The following CUX2 variants were observed in gnomAD, a reference collection of about 807,000 sequenced individuals.
CUX2 encodes the protein homeobox protein cut-like 2.
CUX2 carries 40 observed loss-of-function variants against 144.8 expected under a neutral mutation model. That is an observed-to-expected ratio of 0.28 (90% CI 0.21 to 0.36). The LOEUF is 0.36. CUX2 is among the 10% of genes least tolerant of loss of function. CUX2 has a pLI of 1.00. For synonymous variants in CUX2, 827 were observed against 875.6 expected (o/e 0.94, Z 0.98); for missense variants, 1,615 against 1,994.0 (o/e 0.81, Z 3.62).
rs192948157 is a variant in CUX2, at chr12:111,277,378, G to T, written c.301+13539G>T. Among the ~76,000 whole-genome samples, 947 of 152,146 alleles carry T rather than the reference G, an allele frequency of 6.2e-3. 5 individuals are homozygous for T. Among genetic ancestry groups the T allele is most frequent in the Non-Finnish European group, 9.5e-3 (645 of 67,998 alleles). Reference sequence around the variant, plus strand: ...TAACCCCAGGGGAGGTTAGTAGGACGGTCAGCTGCCATTTCCTTATCTGAT... The same window carrying T: ...TAACCCCAGGGGAGGTTAGTAGGACTGTCAGCTGCCATTTCCTTATCTGAT... On this transcript the variant is annotated intron_variant, in intron 4 of 21. Coordinates refer to ENST00000261726, the MANE Select transcript of CUX2 (RefSeq NM_015267.4). This position sits in a 1 kb window ranked among gnomAD's most constrained non-coding sequence, Gnocchi z 5.0.
chr12:111,224,246 A>T (rs1484855503), intron 3 of CUX2, among the ~76,000 whole-genome samples: 1 of 152,090 alleles, frequency 6.6e-6, no homozygotes, highest in African/African-American at 2.4e-5. Flanking sequence ...CACCAAGACA[A>T]TCGTCGGTGG....
intron 1 of CUX2, among the ~76,000 whole-genome samples, chr12:111,066,043 CA>C (rs1325248541): frequency 4.6e-5 from 7 of 152,242 alleles, no homozygotes; most frequent in African/African-American, 1.4e-4. Context: ...CAGATCAAGG[CA>C]TGTCTTCTTC....
At chr12:111,049,502 A>G (rs1421391594) in intron 1 of CUX2, among the ~76,000 whole-genome samples, 1 of 152,240 alleles carries the variant, frequency 6.6e-6, no homozygotes, top group Admixed American at 6.5e-5. Context: ...CATAATTAGC[A>G]CAGTAATCAG....
chr12:111,068,749 G>A lies in CUX2; in HGVS notation c.63+34509G>A, dbSNP rs561807407. ...TTTGCACCCTGAGAGGAGAGGAGAC[G>A]GGGTGCCGGTAATGCCCCCATGGCC... On this transcript the variant is annotated intron_variant, in intron 1 of 21. Coordinates refer to ENST00000261726, the MANE Select transcript of CUX2 (RefSeq NM_015267.4). This position sits in a 1 kb window ranked among gnomAD's most constrained non-coding sequence, Gnocchi z 4.9. Among the ~76,000 whole-genome samples, 4 of 152,152 alleles carry A rather than the reference G, an allele frequency of 2.6e-5. No homozygotes were observed. Among genetic ancestry groups the A allele is most frequent in the South Asian group, 4.1e-4 (2 of 4,828 alleles).
rs145444916 is a variant in CUX2, at chr12:111,057,832, C to A, written c.63+23592C>A. Among the ~76,000 whole-genome samples, 23 of 152,294 alleles carry A rather than the reference C, an allele frequency of 1.5e-4. No homozygotes were observed. In the East Asian group the frequency reaches 4.2e-3, roughly 28 times the overall value. Reference sequence around the variant, plus strand: ...ACTACCCAAGTGAATGCTTCAGTTCCTGGTGCTTTTGAAATGAATTTGATG... The same window carrying A: ...ACTACCCAAGTGAATGCTTCAGTTCATGGTGCTTTTGAAATGAATTTGATG... On this transcript the variant is annotated intron_variant, in intron 1 of 21. Transcript: ENST00000261726. The surrounding 1 kb of genome is among the most constrained non-coding windows in gnomAD (Gnocchi z 5.1).
intron 1 of CUX2, among the ~76,000 whole-genome samples, chr12:111,052,177 C>T (rs1340123847): frequency 6.6e-6 from 1 of 152,168 alleles, no homozygotes; most frequent in Non-Finnish European, 1.5e-5. Context: ...CCCATCAACT[C>T]CTCCCAGATC....
intron 4 of CUX2, among the ~76,000 whole-genome samples, chr12:111,272,038 G>A (rs192766663): frequency 3.9e-4 from 59 of 152,242 alleles, no homozygotes; most frequent in Non-Finnish European, 7.3e-4. Context: ...CTGAATATCC[G>A]GTCCTGTTTT....
In CUX2 at chr12:111,347,828, G is replaced by C. The variant is rs747066254; in HGVS notation, c.3964G>C (p.Asp1322His). ...GSQPQDSGELDKGQGPPKEEH... is the reference protein window; with the variant it reads ...GSQPQDSGELHKGQGPPKEEH... ...CCAGCCCCAGGACTCAGGGGAGCTG[G>C]ACAAAGGCCAAGGTCCCCCCAAAGA... is the stretch of plus-strand genomic sequence containing the variant. Residue 1322 changes from aspartate (D) to histidine (H), a missense_variant, in exon 22 of 22, where the codon GAC becomes CAC. Around this residue, in one of 12 missense-constraint regions of CUX2, gnomAD observed 298 missense variants for 330.4 expected, o/e 0.90. Transcript: ENST00000261726. The C allele has an allele frequency of 4.3e-6, 7 of 1,614,018 alleles. No individual in the cohort carries two copies. The highest frequency in any genetic ancestry group is 1.7e-6 in the Non-Finnish European group (2 of 1,179,984).
intron 1 of CUX2, among the ~76,000 whole-genome samples, chr12:111,040,805 A>G (rs1869706912): frequency 6.6e-6 from 1 of 152,208 alleles, no homozygotes. Flanking sequence ...CTCTGCCATT[A>G]GCATGAAACA....
In CUX2 at chr12:111,185,694, T is replaced by A. The variant is rs1879483057; in HGVS notation, c.64-28506T>A. Reference sequence around the variant, plus strand: ...ACACTCAGTGCAGCCCCTGAGCCCATTAGCCTGGGTAGGCTCAGTAATGGA... The same window carrying A: ...ACACTCAGTGCAGCCCCTGAGCCCAATAGCCTGGGTAGGCTCAGTAATGGA... On this transcript the variant is annotated intron_variant, in intron 1 of 21. Transcript: ENST00000261726. Among the ~76,000 whole-genome samples the A allele has an allele frequency of 2.0e-5, 3 of 152,158 alleles. No individual in the cohort carries two copies. In the South Asian group the frequency reaches 6.2e-4, roughly 32 times the overall value.
At chr12:111,076,034 C>T (rs977220346) in intron 1 of CUX2, among the ~76,000 whole-genome samples, 4 of 152,202 alleles carry the variant, frequency 2.6e-5, no homozygotes, top group Non-Finnish European at 5.9e-5. Flanking sequence ...GGTGAATTCA[C>T]ATTCTTGAAG....
chr12:111,346,204 G>A (rs1319442252), intron 21 of CUX2, among the ~76,000 whole-genome samples: 4 of 149,518 alleles, frequency 2.7e-5, no homozygotes, highest in East Asian at 3.9e-4. Flanking sequence ...GGCTGGGTGC[G>A]GTGGCTCACA....
intron 16 of CUX2, among the ~76,000 whole-genome samples, chr12:111,314,658 AAAAAAAAAAAC>A (rs558215745): frequency 0.05 from 6,341 of 128,028 alleles, 646 homozygotes; most frequent in African/African-American, 0.17. Flanking sequence ...AAAAAAAAAA[AAAAAAAAAAAC>A]CCCATCTCCT....
intron 1 of CUX2, among the ~76,000 whole-genome samples, chr12:111,138,183 G>A (rs901540307): frequency 6.6e-6 from 1 of 152,224 alleles, no homozygotes; most frequent in Non-Finnish European, 1.5e-5. Context: ...CTCGCTCCAC[G>A]CACAGATGTA....
rs956407393 is a variant in CUX2 at position 111,277,646 on chromosome 12, A to C, written c.302-13772A>C. ...GAGTGTCAGCCCCAGGAGGGCAGGA[A>C]TTTTCTATCATTTCCTGCTGGACCT... On this transcript the variant is annotated intron_variant, in intron 4 of 21. Transcript: ENST00000261726. This position sits in a 1 kb window ranked among gnomAD's most constrained non-coding sequence, Gnocchi z 5.0. Among the ~76,000 whole-genome samples the C allele has an allele frequency of 6.6e-6, 1 of 152,010 alleles. No homozygotes were observed. The highest frequency in any genetic ancestry group is 6.6e-5 in the Admixed American group (1 of 15,258).
At position 111,136,287 on chromosome 12, in the gene CUX2, G is replaced by A. The variant is rs554836494; in HGVS notation, c.64-77913G>A. 1.7e-3 allele frequency among the ~76,000 whole-genome samples: 252 copies of A among 152,278 alleles called. 1 individual carries two copies. Among genetic ancestry groups the A allele is most frequent in the Middle Eastern group, 3.4e-3 (1 of 294 alleles). ...AGCCAACAAGACTTGCACGTGGGAA[G>A]TGAGAGAGAGAGCGGAGTCCACAAT... On this transcript the variant is annotated intron_variant, in intron 1 of 21. Coordinates refer to ENST00000261726, the MANE Select transcript of CUX2 (RefSeq NM_015267.4).
chr12:111,207,673 T>C (rs1880994161), intron 1 of CUX2, among the ~76,000 whole-genome samples: 1 of 152,178 alleles, frequency 6.6e-6, no homozygotes, highest in Admixed American at 6.5e-5. Flanking sequence ...AAGTGCTTAG[T>C]GCACTCAATA....
intron 21 of CUX2, among the ~76,000 whole-genome samples, chr12:111,343,647 C>G (rs1269992802): frequency 2.6e-5 from 4 of 152,206 alleles, no homozygotes; most frequent in African/African-American, 7.2e-5. Flanking sequence ...CCCAATCCCC[C>G]CACAAGTCAT....
intron 1 of CUX2, among the ~76,000 whole-genome samples, chr12:111,156,985 C>CAA (rs1200398908): frequency 0.025 from 446 of 17,922 alleles, 31 homozygotes; most frequent in African/African-American, 0.068. Context: ...AAACTTCTCT[C>CAA]AAAAAAAAAA....
Sources: gnomAD v4.1 joint callset for allele counts (sites outside exome capture counted in the v4.1 genomes callset) on GRCh38, gnomAD v4.1.1 for gene constraint, gnomAD v4.1.1 regional missense constraint, Gnocchi (gnomAD v3.1) non-coding constraint, MANE v1.5 for transcripts, NCBI Gene and HGNC (gene_info 2026-07-23, HGNC 2026-07-21) for gene names.